CELF2: variants seen among roughly 807,000 people sequenced by gnomAD.
CELF2 encodes CUG triplet repeat RNA-binding protein 2.
CELF2 carries 8 observed loss-of-function variants against 62.6 expected under a neutral mutation model. The ratio of observed to expected loss-of-function variants is 0.13; its 90% CI spans 0.07 to 0.23. The LOEUF (loss-of-function observed/expected upper bound fraction) is 0.23, where lower values mean the gene tolerates loss of function less well. CELF2 is among the 10% of genes least tolerant of loss of function. The probability of loss-of-function intolerance (pLI) is 1.00; values close to 1 mark genes in which losing one functional copy is unlikely to be tolerated. For missense variants in CELF2, 333 were observed against 671.0 expected (o/e 0.50, Z 5.56); for synonymous variants, 258 against 250.0 (o/e 1.03, Z -0.30).
At chr10:10,465,004 C>T in the CELF2 span, among the ~76,000 whole-genome samples, 30 of 152,076 alleles carry the variant, frequency 2.0e-4, no homozygotes, top group Admixed American at 2.6e-4. Flanking sequence ...TGAGCTCTTG[C>T]GGCATTTGGG....
intron 1 of CELF2, among the ~76,000 whole-genome samples, chr10:10,813,595 A>G (rs768892387): frequency 1.3e-5 from 2 of 152,164 alleles, no homozygotes; most frequent in Non-Finnish European, 2.9e-5. Context: ...TATTGTCGTT[A>G]TTGAACATAA....
At chr10:11,238,997 G>A (rs1238638004) in intron 3 of CELF2, among the ~76,000 whole-genome samples, 1 of 152,116 alleles carries the variant, frequency 6.6e-6, no homozygotes, top group Non-Finnish European at 1.5e-5. Context: ...TTTGGTGTGT[G>A]TTTTATATAC....
intron 1 of CELF2, among the ~76,000 whole-genome samples, chr10:11,108,144 T>C (rs539316013): frequency 1.0e-4 from 13 of 125,650 alleles, no homozygotes; most frequent in African/African-American, 4.0e-4. Flanking sequence ...CAGTGCTGAT[T>C]GGCAGAATTC....
At chr10:11,002,254 G>T (rs555904135), upstream of CELF2, among the ~76,000 whole-genome samples, 2 of 152,124 alleles carry the variant, frequency 1.3e-5, no homozygotes, top group African/African-American at 4.8e-5. This position sits in a 1 kb window ranked among gnomAD's most constrained non-coding sequence, Gnocchi z 4.4. Flanking sequence ...TCACTACCAC[G>T]AGAACAGAAT....
the CELF2 span, among the ~76,000 whole-genome samples, chr10:10,733,044 G>A: frequency 6.6e-6 from 1 of 152,180 alleles, no homozygotes. Context: ...TTCCCTGGGA[G>A]TAACTGCAGG....
intron 2 of CELF2, among the ~76,000 whole-genome samples, chr10:11,201,206 C>CT (rs1429082147): frequency 6.6e-6 from 1 of 152,218 alleles, no homozygotes; most frequent in East Asian, 1.9e-4. Context: ...AGAATTGTTA[C>CT]TGTTTCACCT....
chr10:11,236,131 G>A (rs1247318950), intron 3 of CELF2, among the ~76,000 whole-genome samples: 3 of 152,196 alleles, frequency 2.0e-5, no homozygotes, highest in Admixed American at 6.5e-5. Context: ...AGACAACTCA[G>A]GACTCATAAA....
chr10:11,198,810 T>C (rs2058566399), intron 2 of CELF2, among the ~76,000 whole-genome samples: 1 of 152,230 alleles, frequency 6.6e-6, no homozygotes, highest in African/African-American at 2.4e-5. Context: ...GGATAATTAT[T>C]CTTGTTTACA....
At position 11,010,851 on chromosome 10, in the gene CELF2, C is replaced by T. The variant is rs1394409226; in HGVS notation, c.53+5411C>T. 2 of 152,258 alleles carry T rather than the reference C, an allele frequency of 1.3e-5. No individual in the cohort carries two copies. The highest frequency in any genetic ancestry group is 4.8e-5 in the African/African-American group (2 of 41,464). 9.4% of individuals were successfully genotyped at this position (152,258 alleles called of 1,614,324 possible). ...GGATCTGCGGTCAAATCCCTGGTCA[C>T]TGTTTATAGTTTCAGCTGCTCAGCC... On this transcript the variant is annotated intron_variant, in intron 1 of 12. Transcript: ENST00000416382. The surrounding 1 kb of genome is among the most constrained non-coding windows in gnomAD (Gnocchi z 4.1).
the CELF2 span, among the ~76,000 whole-genome samples, chr10:10,685,317 G>A: frequency 1.2e-4 from 19 of 152,212 alleles, no homozygotes; most frequent in East Asian, 2.5e-3. Context: ...CCGTTCTTTA[G>A]GCAAACATTA....
chr10:10,462,615 C>CTTTTTTTTTTTTTTTTTTCTTTT, the CELF2 span, among the ~76,000 whole-genome samples: 1 of 69,414 alleles, frequency 1.4e-5, no homozygotes, highest in Non-Finnish European at 2.5e-5. Flanking sequence ...TTTTTTTCAT[C>CTTTTTTTTTTTTTTTTTTCTTTT]TTTTTTTTTT....
At chr10:11,286,358 T>C (rs949875588) in intron 8 of CELF2, among the ~76,000 whole-genome samples, 15 of 152,360 alleles carry the variant, frequency 9.8e-5, no homozygotes, top group African/African-American at 3.4e-4. Flanking sequence ...AGCCCTGTTC[T>C]TGTGTGCTCA....
Position 11,333,298 on chromosome 10 carries a change from A to T in CELF2, c.*4245A>T, listed in dbSNP as rs1398304172. 3 of 152,660 alleles carry T rather than the reference A, an allele frequency of 2.0e-5. No individual in the cohort carries two copies. The highest frequency in any genetic ancestry group is 7.2e-5 in the African/African-American group (3 of 41,460). 9.5% of individuals were successfully genotyped at this position (152,660 alleles called of 1,614,324 possible). A position where few individuals can be genotyped will look rare whatever the true frequency, so the allele number is the denominator to read the frequency against. ...TATCCACTTTTATCTTTTAATAAAT[A>T]TCAAAAGGAAAAAGCTGCAAGGGTG... On this transcript the variant is annotated 3_prime_UTR_variant, in exon 13 of 13. Transcript: ENST00000633077.
chr10:10,908,509 C>T (rs2063540010), intron 1 of CELF2, among the ~76,000 whole-genome samples: 1 of 151,656 alleles, frequency 6.6e-6, no homozygotes, highest in Non-Finnish European at 1.5e-5. Flanking sequence ...CATGAGCCAC[C>T]GCGCCCGACC....
the CELF2 span, among the ~76,000 whole-genome samples, chr10:10,554,612 G>T: frequency 6.6e-6 from 1 of 152,142 alleles, no homozygotes; most frequent in Admixed American, 6.5e-5. Flanking sequence ...CAGCCTCCCT[G>T]TGGTGACCCT....
the CELF2 span, among the ~76,000 whole-genome samples, chr10:10,684,841 G>A: frequency 2.0e-5 from 3 of 152,142 alleles, no homozygotes; most frequent in Non-Finnish European, 4.4e-5. Flanking sequence ...CTAAATCTGA[G>A]AAACAGGTGC....
At chr10:11,144,397 C>T (rs371674897) in intron 1 of CELF2, among the ~76,000 whole-genome samples, 20 of 152,184 alleles carry the variant, frequency 1.3e-4, no homozygotes, top group Admixed American at 2.0e-4. Context: ...ACACAGTGCT[C>T]GGTGCAGAAT....
the CELF2 span, among the ~76,000 whole-genome samples, chr10:10,682,238 G>A: frequency 6.6e-6 from 1 of 152,194 alleles, no homozygotes; most frequent in Non-Finnish European, 1.5e-5. Context: ...GGAACAACAA[G>A]CCTTCCACAA....
the CELF2 span, among the ~76,000 whole-genome samples, chr10:10,780,682 T>C: frequency 6.6e-6 from 1 of 152,220 alleles, no homozygotes. Flanking sequence ...GGTTTCACCA[T>C]GTTGGCCAGG....
Sources: gnomAD v4.1 joint callset for allele counts (sites outside exome capture counted in the v4.1 genomes callset) on GRCh38, gnomAD v4.1.1 for gene constraint, Gnocchi (gnomAD v3.1) non-coding constraint, MANE v1.5 for transcripts, NCBI Gene and HGNC (gene_info 2026-07-23, HGNC 2026-07-21) for gene names.